The following SORCS3 variants were observed in gnomAD, a reference collection of about 807,000 sequenced individuals.
The protein encoded by SORCS3 is sortilin related VPS10 domain containing receptor 3.
A neutral mutation model predicts 146.3 loss-of-function variants in SORCS3; 57 were observed. The observed-to-expected ratio is 0.39, with a 90% CI of 0.31 to 0.49. SORCS3 has a LOEUF of 0.49. Ranked by LOEUF, SORCS3 falls within the 20% of genes least tolerant of loss-of-function variation. The pLI, the probability that SORCS3 is intolerant of heterozygous loss-of-function variation, is 0.92. For synonymous variants in SORCS3, 653 were observed against 618.5 expected (o/e 1.06, Z -0.83); for missense variants, 1,341 against 1,575.5 (o/e 0.85, Z 2.52).
intron 6 of SORCS3, among the ~76,000 whole-genome samples, chr10:105,097,458 C>G (rs562167923): frequency 6.6e-6 from 1 of 151,986 alleles, no homozygotes; most frequent in East Asian, 1.9e-4. Flanking sequence ...AGTCACAGAC[C>G]GACAGACAGA....
Position 104,641,613 on chromosome 10 carries a change from G to T in SORCS3, c.286G>T (p.Gly96Cys). 6.6e-7 allele frequency: 1 copy of T among 1,518,452 alleles called. No homozygotes were observed. The highest frequency in any genetic ancestry group is 1.4e-5 in the African/African-American group (1 of 71,012). The allele number at this position is 1,518,452 out of a possible 1,614,324, so 94.1% of individuals were successfully genotyped here. A position where few individuals can be genotyped will look rare whatever the true frequency, so the allele number is the denominator to read the frequency against. Residue 96 changes from glycine to cysteine, a missense_variant, in exon 1 of 27, where the codon GGC (glycine) becomes TGC (cysteine). By Grantham distance (159) the Gly-to-Cys change is radical (BLOSUM62 -3). Transcript: ENST00000369701. This position sits in a 1 kb window ranked among gnomAD's most constrained non-coding sequence, Gnocchi z 6.4. ...GPELLPQQGG[G>C]RGGEMQVEAG... ...AGAGCTGCTGCCCCAGCAGGGCGGCGGCAGAGGCGGTGAGATGCAGGTGGA... is the reference window on the plus strand; with the variant it reads ...AGAGCTGCTGCCCCAGCAGGGCGGCTGCAGAGGCGGTGAGATGCAGGTGGA...
chr10:105,017,031 A>C (rs1451316000), intron 4 of SORCS3, among the ~76,000 whole-genome samples: 1 of 152,252 alleles, frequency 6.6e-6, no homozygotes, highest in Non-Finnish European at 1.5e-5. Context: ...ATGCAATACA[A>C]GAAACTCCAT....
chr10:104,682,064 T>C (rs2015983831), intron 1 of SORCS3, among the ~76,000 whole-genome samples: 1 of 152,222 alleles, frequency 6.6e-6, no homozygotes, highest in Non-Finnish European at 1.5e-5. Flanking sequence ...TGCCATGTGA[T>C]ACTGTGAAGG....
At chr10:104,944,855 A>G (rs890787216) in intron 3 of SORCS3, among the ~76,000 whole-genome samples, 1 of 152,198 alleles carries the variant, frequency 6.6e-6, no homozygotes, top group Admixed American at 6.5e-5. Context: ...GTATAATATC[A>G]TACAGAACTA....
At chr10:104,987,167 A>G (rs939128576) in intron 4 of SORCS3, among the ~76,000 whole-genome samples, 1 of 152,242 alleles carries the variant, frequency 6.6e-6, no homozygotes, top group East Asian at 1.9e-4. Context: ...AAGGTAAAGA[A>G]AGGAAGGAAT....
intron 1 of SORCS3, among the ~76,000 whole-genome samples, chr10:104,732,312 G>A (rs1471659929): frequency 1.3e-5 from 2 of 152,136 alleles, no homozygotes; most frequent in Non-Finnish European, 2.9e-5. Flanking sequence ...GACATTTTGT[G>A]TACAAAATGA....
chr10:104,931,006 A>T (rs1157818131), intron 3 of SORCS3, among the ~76,000 whole-genome samples: 1 of 152,160 alleles, frequency 6.6e-6, no homozygotes, highest in Non-Finnish European at 1.5e-5. Context: ...AAAACAGGGG[A>T]TAATTCCATG....
intron 2 of SORCS3, among the ~76,000 whole-genome samples, chr10:104,862,108 C>T (rs969317245): frequency 6.6e-6 from 1 of 152,156 alleles, no homozygotes; most frequent in African/African-American, 2.4e-5. Context: ...GTGAGTTCTT[C>T]AACAGGTGAA....
intron 20 of SORCS3, among the ~76,000 whole-genome samples, chr10:105,225,348 C>G (rs1326632274): frequency 6.6e-6 from 1 of 151,978 alleles, no homozygotes; most frequent in African/African-American, 2.4e-5. Context: ...CATTTTTGCT[C>G]CATTGTATTA....
rs892372465 is a variant in SORCS3, at chr10:104,869,221, G to T, written c.695+26362G>T. Among the ~76,000 whole-genome samples, 23 of 152,034 alleles carry T rather than the reference G, an allele frequency of 1.5e-4. 4 individuals are homozygous for T. Among genetic ancestry groups the T allele is most frequent in the Admixed American group, 1.4e-3 (22 of 15,264 alleles). On this transcript the variant is annotated intron_variant, in intron 2 of 26. Coordinates refer to ENST00000369701, the MANE Select transcript of SORCS3 (RefSeq NM_014978.3). ...ATATGTATTCAAAATTGGATTATGT[G>T]ATTTTAGAGGCTGAAAAGTTTCACA...
At chr10:104,932,718 G>A (rs988388848) in intron 3 of SORCS3, among the ~76,000 whole-genome samples, 6 of 152,062 alleles carry the variant, frequency 3.9e-5, no homozygotes, top group Admixed American at 6.5e-5. Flanking sequence ...TTAGAAATGA[G>A]GTCTGTCTTT....
At chr10:104,747,723 C>T (rs904392276) in intron 1 of SORCS3, among the ~76,000 whole-genome samples, 6 of 152,220 alleles carry the variant, frequency 3.9e-5, no homozygotes, top group South Asian at 4.1e-4. Flanking sequence ...GGACCATTCT[C>T]AGCACCTAGC....
chr10:105,170,047 C>T (rs2056346551), intron 13 of SORCS3, among the ~76,000 whole-genome samples: 1 of 152,072 alleles, frequency 6.6e-6, no homozygotes, highest in Non-Finnish European at 1.5e-5. Flanking sequence ...CAGAAGTTTC[C>T]TTGTGCTGAG....
intron 3 of SORCS3, among the ~76,000 whole-genome samples, chr10:104,935,445 G>A (rs977166478): frequency 5.9e-5 from 9 of 152,156 alleles, no homozygotes; most frequent in African/African-American, 9.7e-5. Context: ...TACATCTAGG[G>A]TGGGGTCCAG....
chr10:104,648,101 G>A (rs1483816179), intron 1 of SORCS3, among the ~76,000 whole-genome samples: 1 of 152,208 alleles, frequency 6.6e-6, no homozygotes, highest in Non-Finnish European at 1.5e-5. Context: ...AGATGCCATG[G>A]GGTGATATGT....
At chr10:105,122,369 C>T (rs1208223208) in intron 7 of SORCS3, among the ~76,000 whole-genome samples, 1 of 152,088 alleles carries the variant, frequency 6.6e-6, no homozygotes, top group South Asian at 2.1e-4. Context: ...TTCTGAAACC[C>T]CCTCATGGTC....
intron 10 of SORCS3, among the ~76,000 whole-genome samples, chr10:105,157,875 C>T (rs1412605658): frequency 1.3e-5 from 2 of 152,148 alleles, no homozygotes; most frequent in African/African-American, 4.8e-5. Context: ...TCTTCAGTGC[C>T]CTCTGAATAA....
intron 13 of SORCS3, among the ~76,000 whole-genome samples, chr10:105,170,722 A>ACAACAG (rs2056352765): frequency 1.3e-5 from 2 of 152,218 alleles, no homozygotes; most frequent in African/African-American, 4.8e-5. Context: ...GTGTTAGAAA[A>ACAACAG]CAACAGCAAC....
chr10:104,895,216 C>G (rs1460059226), intron 2 of SORCS3, among the ~76,000 whole-genome samples: 1 of 152,206 alleles, frequency 6.6e-6, no homozygotes, highest in East Asian at 1.9e-4. Context: ...CAATCCCTTT[C>G]CACATCTGGG....
Sources: allele counts gnomAD v4.1 joint callset (sites outside exome capture counted in the v4.1 genomes callset), GRCh38; gene constraint gnomAD v4.1.1; non-coding constraint Gnocchi (gnomAD v3.1); transcripts MANE v1.5; gene names NCBI Gene and HGNC (gene_info 2026-07-23, HGNC 2026-07-21).